Variants in DLG1 observed in about 807,000 individuals in gnomAD.
DLG1 encodes disks large homolog 1.
In DLG1, 42 loss-of-function variants were observed where a neutral mutation model predicts 123.4. The observed-to-expected ratio is 0.34, with a 90% CI of 0.27 to 0.44. The LOEUF is 0.44. Among genes scored for constraint, DLG1 ranks in the 20% least tolerant of loss-of-function variants. DLG1 has a pLI of 1.00. For synonymous variants in DLG1, 317 were observed against 356.2 expected (o/e 0.89, Z 1.24); for missense variants, 942 against 1,082.6 (o/e 0.87, Z 1.82).
At chr3:197,143,343 C>T (rs1377777668) in intron 6 of DLG1, among the ~76,000 whole-genome samples, 1 of 152,090 alleles carries the variant, frequency 6.6e-6, no homozygotes, top group Admixed American at 6.5e-5. Context: ...ACAAGCTCCG[C>T]CTCCCGGGTT....
chr3:197,214,988 A>C (rs1458087514), intron 4 of DLG1, among the ~76,000 whole-genome samples: 1 of 152,240 alleles, frequency 6.6e-6, no homozygotes, highest in Non-Finnish European at 1.5e-5. Flanking sequence ...CAGAAACTCT[A>C]ATACAGGTAA....
At chr3:197,283,986 G>GAGTA (rs751258230) in intron 3 of DLG1, among the ~76,000 whole-genome samples, 9 of 150,342 alleles carry the variant, frequency 6.0e-5, no homozygotes, top group Non-Finnish European at 1.0e-4. Context: ...CTCAGCCTCC[G>GAGTA]AGTAGCTGGG....
At chr3:197,290,464 C>G (rs1197452630) in intron 3 of DLG1, among the ~76,000 whole-genome samples, 1 of 151,934 alleles carries the variant, frequency 6.6e-6, no homozygotes, top group Non-Finnish European at 1.5e-5. Flanking sequence ...CAGACAACAC[C>G]CAACTAGGTA....
intron 23 of DLG1, among the ~76,000 whole-genome samples, chr3:197,052,064 C>T (rs1163870276): frequency 1.3e-5 from 2 of 152,100 alleles, no homozygotes; most frequent in African/African-American, 4.8e-5. Flanking sequence ...TGGTCCCGAA[C>T]TCCTGACCCC....
rs575792513 is a variant in DLG1, at chr3:197,117,415, CA to C, written c.1287-1333del. On this transcript the variant is annotated intron_variant, in intron 12 of 24. Transcript: ENST00000667157. Reference sequence around the variant, plus strand: ...TTATTATAGAATTACTCACAATAACCAAAAGGTGAAAATAACTCAAGTGCCC... The same window carrying C: ...TTATTATAGAATTACTCACAATAACCAAAGGTGAAAATAACTCAAGTGCCC... 3.7e-4 allele frequency among the ~76,000 whole-genome samples: 57 copies of C among 152,192 alleles called. 1 individual carries two copies. The East Asian group carries it at 8.7e-3, about 23-fold the overall frequency.
chr3:197,085,574 G>A lies in DLG1; in HGVS notation c.1838+6C>T. ...CTCACATTCAAGTGGTAAGAAACAG[G>A]CATACCTGCGTTTACTGGGAATCAC... On this transcript the variant is annotated splice_donor_region_variant and intron_variant, in intron 16 of 24. Transcript: ENST00000667157. 1.2e-6 allele frequency: 2 copies of A among 1,613,372 alleles called. No homozygotes were observed. The highest frequency in any genetic ancestry group is 1.7e-6 in the Non-Finnish European group (2 of 1,179,664).
chr3:197,048,130 G>C (rs1724688704), intron 24 of DLG1, among the ~76,000 whole-genome samples: 1 of 152,186 alleles, frequency 6.6e-6, no homozygotes, highest in Non-Finnish European at 1.5e-5. Context: ...TGGCCAGCAG[G>C]TATCAGTAAA....
chr3:197,086,526 T>C (rs1192876652), intron 15 of DLG1, among the ~76,000 whole-genome samples: 1 of 152,184 alleles, frequency 6.6e-6, no homozygotes, highest in Non-Finnish European at 1.5e-5. Flanking sequence ...TTTGTTCTAA[T>C]TTGGCAACTG....
At chr3:197,052,059 C>CCGAA (rs762729392) in intron 23 of DLG1, among the ~76,000 whole-genome samples, 3 of 151,886 alleles carry the variant, frequency 2.0e-5, no homozygotes, top group Non-Finnish European at 2.9e-5. Flanking sequence ...CAGGCTGGTC[C>CCGAA]CGAACTCCTG....
chr3:197,228,661 T>A (rs537090004), intron 4 of DLG1, among the ~76,000 whole-genome samples: 5 of 152,340 alleles, frequency 3.3e-5, no homozygotes, highest in African/African-American at 1.2e-4. Flanking sequence ...ATTTTGACTA[T>A]TTTGAAACTC....
At chr3:197,225,280 T>C (rs1739256739) in intron 4 of DLG1, among the ~76,000 whole-genome samples, 1 of 152,222 alleles carries the variant, frequency 6.6e-6, no homozygotes, top group Non-Finnish European at 1.5e-5. Flanking sequence ...TAATATTTTA[T>C]ATAAGAATAA....
Position 197,296,385 on chromosome 3 carries a change from T to A in DLG1, c.112A>T (p.Ile38Phe). 6.2e-7 allele frequency: 1 copy of A among 1,613,806 alleles called. No individual in the cohort carries two copies. ...RQLRSSIERVINIFQSNLFQA... is the reference protein window; with the variant it reads ...RQLRSSIERVFNIFQSNLFQA... The stretch of plus-strand genomic sequence containing the variant: ...AAGAGGTTGCTCTGAAATATGTTAA[T>A]AACCCGTTCTATGGAACTTCTGAGC... The change falls in exon 3 of 25, where the codon ATT becomes TTT. Residue 38 changes from isoleucine to phenylalanine, a missense_variant. Transcript: ENST00000667157.
intron 5 of DLG1, among the ~76,000 whole-genome samples, chr3:197,162,067 A>G (rs1798992871): frequency 6.6e-6 from 1 of 152,176 alleles, no homozygotes; most frequent in Non-Finnish European, 1.5e-5. Flanking sequence ...AGACTGCAAA[A>G]TATTTTTTCT....
At chr3:197,263,421 G>C (rs1413135938) in intron 4 of DLG1, among the ~76,000 whole-genome samples, 1 of 152,124 alleles carries the variant, frequency 6.6e-6, no homozygotes, top group Non-Finnish European at 1.5e-5. Context: ...AAGAGTCCTT[G>C]AATTTATACC....
chr3:197,078,111 A>G (rs1748468066), intron 17 of DLG1, among the ~76,000 whole-genome samples: 2 of 150,200 alleles, frequency 1.3e-5, no homozygotes, highest in Admixed American at 1.3e-4. Context: ...CAGGAGTTCA[A>G]AATCAGCCTA....
chr3:197,222,617 G>C (rs184367124), intron 4 of DLG1, among the ~76,000 whole-genome samples: 2 of 152,216 alleles, frequency 1.3e-5, no homozygotes, highest in African/African-American at 4.8e-5. Flanking sequence ...ATACGAACAA[G>C]TCCCTGAAGC....
At chr3:197,207,174 G>A (rs948629879) in intron 4 of DLG1, among the ~76,000 whole-genome samples, 1 of 152,092 alleles carries the variant, frequency 6.6e-6, no homozygotes, top group East Asian at 1.9e-4. Flanking sequence ...TGCTCTTTAC[G>A]CAAAGTTTGT....
intron 5 of DLG1, among the ~76,000 whole-genome samples, chr3:197,187,838 G>A (rs990656403): frequency 3.3e-5 from 5 of 151,880 alleles, no homozygotes; most frequent in East Asian, 1.9e-4. Context: ...CCTTCTCTTC[G>A]ACATTAAGAT....
chr3:197,108,271 G>C (rs1231952273), intron 13 of DLG1, among the ~76,000 whole-genome samples: 2 of 152,044 alleles, frequency 1.3e-5, no homozygotes, highest in African/African-American at 4.8e-5. Flanking sequence ...TTCTTCTTGT[G>C]ATGTCTTTGG....
Sources: allele counts gnomAD v4.1 joint callset (sites outside exome capture counted in the v4.1 genomes callset), GRCh38; gene constraint gnomAD v4.1.1; transcripts MANE v1.5; gene names NCBI Gene and HGNC (gene_info 2026-07-23, HGNC 2026-07-21).